PLA2G6: variants seen among roughly 807,000 people sequenced by gnomAD.
The protein encoded by PLA2G6 is 85/88 kDa calcium-independent phospholipase A2.
In PLA2G6, 62 loss-of-function variants were observed where a neutral mutation model predicts 83.8. That is an observed-to-expected ratio of 0.74 (90% CI 0.60 to 0.91). PLA2G6 has a LOEUF of 0.91. Among genes scored for constraint, PLA2G6 ranks in the 40% least tolerant of loss-of-function variants. The pLI, the probability that PLA2G6 is intolerant of heterozygous loss-of-function variation, is 0.00. For synonymous variants in PLA2G6, 417 were observed against 449.8 expected (o/e 0.93, Z 0.92); for missense variants, 944 against 1,102.0 (o/e 0.86, Z 2.03).
At chr22:38,147,998 A>T (rs2089362107) in intron 2 of PLA2G6, 1 of 160,392 alleles carries the variant, frequency 6.2e-6, no homozygotes, top group Non-Finnish European at 1.4e-5. Flanking sequence ...AGGCGGAAGG[A>T]AGCCATTCCT....
Position 38,134,987 on chromosome 22 carries a change from C to T in PLA2G6, c.894+1G>A. 3 of 1,201,828 alleles carry T rather than the reference C, an allele frequency of 2.5e-6. No individual in the cohort carries two copies. The highest frequency in any genetic ancestry group is 1.2e-6 in the Non-Finnish European group (1 of 830,522). The allele number at this position is 1,201,828 out of a possible 1,614,324, so 74.4% of individuals were successfully genotyped here. A position where few individuals can be genotyped will look rare whatever the true frequency, so the allele number is the denominator to read the frequency against. On this transcript the variant is annotated splice_donor_variant, in intron 6 of 16. Transcript: ENST00000332509. LOFTEE classifies it high-confidence loss of function. ...ACCCACCCACCTCAGGATCCACTCA[C>T]CTCTGCGTTCTTGGCCCAGTGGAGG...
intron 4 of PLA2G6, chr22:38,142,849 T>G: frequency 3.8e-6 from 2 of 529,490 alleles, no homozygotes; most frequent in East Asian, 3.5e-5. Context: ...CTGGGCCTTT[T>G]TTGGGGTTTA....
chr22:38,132,973 C>A lies in PLA2G6; in HGVS notation c.935G>T (p.Ser312Ile), dbSNP rs1420990456. The A allele has an allele frequency of 1.3e-6, 2 of 1,566,330 alleles. No homozygotes were observed. The highest frequency in any genetic ancestry group is 1.7e-6 in the Non-Finnish European group (2 of 1,156,076). ...GGCCGTGTTCCCCGCGGAGCTGGTGCTGTTCACGTTGCAGCCCCGTTTCAG... is the reference window on the plus strand; with the variant it reads ...GGCCGTGTTCCCCGCGGAGCTGGTGATGTTCACGTTGCAGCCCCGTTTCAG... The part of the protein sequence containing the change: ...MLLKRGCNVN[S>I]TSSAGNTALH... The change falls in exon 7 of 17, where the codon AGC becomes ATC. Residue 312 changes from serine (S) to isoleucine (I), a missense_variant. By Grantham distance (142) the Ser-to-Ile change is moderately radical. Coordinates refer to ENST00000332509, the MANE Select transcript of PLA2G6 (RefSeq NM_003560.4). This position sits in a 1 kb window ranked among gnomAD's most constrained non-coding sequence, Gnocchi z 5.0.
At chr22:38,113,423 GGAA>G in intron 15 of PLA2G6, 61 bp downstream of exon 15, 2 of 1,507,954 alleles carry the variant, frequency 1.3e-6, no homozygotes, top group Non-Finnish European at 1.8e-6. Context: ...CAGGATGAGG[GGAA>G]GCCATCGACC....
chr22:38,168,815 A>G (rs1391095849), intron 2 of PLA2G6, among the ~76,000 whole-genome samples: 10 of 152,136 alleles, frequency 6.6e-5, no homozygotes, highest in Non-Finnish European at 1.3e-4. Context: ...GCGCCACTGC[A>G]CTCCAGCCTG....
intron 2 of PLA2G6, among the ~76,000 whole-genome samples, chr22:38,151,984 G>A (rs894606708): frequency 1.3e-5 from 2 of 152,180 alleles, no homozygotes; most frequent in Non-Finnish European, 2.9e-5. Flanking sequence ...GCTGTTTGCT[G>A]TATAAACATC....
chr22:38,159,092 A>G (rs1160726819), intron 2 of PLA2G6, among the ~76,000 whole-genome samples: 1 of 152,118 alleles, frequency 6.6e-6, no homozygotes, highest in Non-Finnish European at 1.5e-5. Context: ...CCAGCTACTC[A>G]GGTTTTCAAA....
chr22:38,171,172 CAA>C (rs35530438), intron 1 of PLA2G6, among the ~76,000 whole-genome samples: 9,684 of 104,966 alleles, frequency 0.092, 716 homozygotes, highest in African/African-American at 0.24. Flanking sequence ...AACTCCGTCT[CAA>C]AAAAAAAAAA....
intron 14 of PLA2G6, among the ~76,000 whole-genome samples, chr22:38,115,190 T>G (rs2087115452): frequency 6.6e-6 from 1 of 152,202 alleles, no homozygotes. Flanking sequence ...CAGGCATTCC[T>G]GTGGGACTGT....
At chr22:38,124,898 C>G (rs556466574) in intron 10 of PLA2G6, among the ~76,000 whole-genome samples, 1 of 152,194 alleles carries the variant, frequency 6.6e-6, no homozygotes, top group Non-Finnish European at 1.5e-5. Flanking sequence ...AGATGCGGGG[C>G]TGGCGACAGA....
At chr22:38,137,036 C>T (rs1467986517) in intron 5 of PLA2G6, 1 of 152,300 alleles carries the variant, frequency 6.6e-6, no homozygotes, top group Non-Finnish European at 1.5e-5. Flanking sequence ...CCACACTTGG[C>T]CCTCAGCTTT....
intron 2 of PLA2G6, among the ~76,000 whole-genome samples, chr22:38,168,397 C>A (rs910189620): frequency 1.3e-5 from 2 of 152,248 alleles, no homozygotes; most frequent in Non-Finnish European, 2.9e-5. Flanking sequence ...TTTTCCCAAC[C>A]AGCTCTGCCG....
intron 10 of PLA2G6, among the ~76,000 whole-genome samples, chr22:38,124,704 T>C (rs529878302): frequency 6.6e-6 from 1 of 152,258 alleles, no homozygotes; most frequent in Admixed American, 6.5e-5. Context: ...AGAAGCCGCC[T>C]CTGCTCTGGG....
chr22:38,139,958 G>A, intron 5 of PLA2G6, 24 bp downstream of exon 5: 1 of 1,553,364 alleles, frequency 6.4e-7, no homozygotes, highest in East Asian at 2.4e-5. Context: ...CAGGCCAGCA[G>A]ATGGGGAGGG....
chr22:38,120,673 C>G (rs541823319), intron 12 of PLA2G6, 86 bp downstream of exon 12: 1 of 1,519,978 alleles, frequency 6.6e-7, no homozygotes, highest in Non-Finnish European at 9.1e-7. Flanking sequence ...TTCCCCCTCC[C>G]TCAGCAGGAC....
At chr22:38,145,393 G>A (rs940661674) in intron 3 of PLA2G6, 45 bp downstream of exon 3, 1 of 1,474,888 alleles carries the variant, frequency 6.8e-7, no homozygotes, top group Non-Finnish European at 9.3e-7. Context: ...GCCCACACAA[G>A]CAGGTACACA....
At chr22:38,162,074 GGC>G (rs2145899831) in intron 2 of PLA2G6, among the ~76,000 whole-genome samples, 1 of 152,164 alleles carries the variant, frequency 6.6e-6, no homozygotes, top group Non-Finnish European at 1.5e-5. Flanking sequence ...CGGGTGTGGT[GGC>G]GGGTGCCTAT....
intron 10 of PLA2G6, 135 bp downstream of exon 10, chr22:38,126,236 A>AT (rs763388591): frequency 1.4e-6 from 1 of 738,174 alleles, no homozygotes; most frequent in South Asian, 1.4e-5. Flanking sequence ...GCTGAGAACT[A>AT]TAAGACTAGG....
chr22:38,173,123 A>G (rs1185584172), intron 1 of PLA2G6, among the ~76,000 whole-genome samples: 4 of 152,172 alleles, frequency 2.6e-5, no homozygotes, highest in African/African-American at 9.7e-5. Context: ...AAGTGCTCAC[A>G]CGTGCTTCCT....
Sources: allele counts gnomAD v4.1 joint callset (sites outside exome capture counted in the v4.1 genomes callset), GRCh38; gene constraint gnomAD v4.1.1; non-coding constraint Gnocchi (gnomAD v3.1); transcripts MANE v1.5; gene names NCBI Gene and HGNC (gene_info 2026-07-23, HGNC 2026-07-21).